Variants in NUBP1 observed in about 807,000 individuals in gnomAD.
The protein encoded by NUBP1 is NUBP iron-sulfur cluster assembly factor 1, cytosolic, also known as cytosolic Fe-S cluster assembly factor NUBP1.
In NUBP1, 46 loss-of-function variants were observed where a neutral mutation model predicts 41.8. That is an observed-to-expected ratio of 1.10 (90% CI 0.87 to 1.41). NUBP1 has a LOEUF of 1.41. Ranked by LOEUF, NUBP1 falls within the 40% of genes most tolerant of loss-of-function variation. The probability of loss-of-function intolerance (pLI) is 0.00; values close to 1 mark genes in which losing one functional copy is unlikely to be tolerated. For missense variants in NUBP1, 494 were observed against 414.0 expected (o/e 1.19, Z -1.68); for synonymous variants, 189 against 154.6 (o/e 1.22, Z -1.65).
At chr16:10,751,494 C>T (rs1900318012) in intron 3 of NUBP1, among the ~76,000 whole-genome samples, 1 of 152,144 alleles carries the variant, frequency 6.6e-6, no homozygotes, top group South Asian at 2.1e-4. Context: ...AAGTAGGAGG[C>T]TGGGTTTGTT....
chr16:10,758,561 G>T (rs185946113), intron 7 of NUBP1, among the ~76,000 whole-genome samples: 1 of 152,140 alleles, frequency 6.6e-6, no homozygotes, highest in Non-Finnish European at 1.5e-5. Context: ...TTAGTCCATG[G>T]ATTAAACAAT....
Position 10,768,081 on chromosome 16 carries a change from C to T in NUBP1, c.904+49C>T, listed in dbSNP as rs764774759. ...ATGCAGATGCCTGTGGGGCAGGAAG[C>T]AACATAAAGGAGCCAGGGGTGTGGA... On this transcript the variant is annotated intron_variant, in intron 10 of 10. Coordinates refer to ENST00000283027, the MANE Select transcript of NUBP1 (RefSeq NM_002484.4). This position sits in a 1 kb window ranked among gnomAD's most constrained non-coding sequence, Gnocchi z 4.3. The T allele has an allele frequency of 7.0e-6, 11 of 1,572,172 alleles. 1 individual carries two copies. In the East Asian group the frequency reaches 2.5e-4, roughly 35 times the overall value.
intron 2 of NUBP1, among the ~76,000 whole-genome samples, chr16:10,745,076 G>T (rs962451807): frequency 2.0e-5 from 3 of 151,782 alleles, no homozygotes; most frequent in Non-Finnish European, 4.4e-5. Flanking sequence ...GAATCTTGAA[G>T]GAGTTCAGAG....
intron 2 of NUBP1, among the ~76,000 whole-genome samples, chr16:10,745,764 C>G (rs1404548750): frequency 2.6e-5 from 4 of 152,166 alleles, no homozygotes. Context: ...AGTAAACATT[C>G]AAAAGAGGGA....
rs1474750322 is a variant in NUBP1 at position 10,759,064 on chromosome 16, GCAAAGGAGGTTTGATT to G, written c.606+1038_606+1053del. Among the ~76,000 whole-genome samples, 5 of 152,210 alleles carry G rather than the reference GCAAAGGAGGTTTGATT, an allele frequency of 3.3e-5. No individual in the cohort carries two copies. Among genetic ancestry groups the G allele is most frequent in the Non-Finnish European group, 7.3e-5 (5 of 68,038 alleles). ...TCTCCTCCACACTTAAGAAAGCCCAGCAAAGGAGGTTTGATTTGATCTCACTGGCCAGAATCAGTCA... is the reference window on the plus strand; with the variant it reads ...TCTCCTCCACACTTAAGAAAGCCCAGTGATCTCACTGGCCAGAATCAGTCA... On this transcript the variant is annotated intron_variant, in intron 7 of 10. Transcript: ENST00000283027. The surrounding 1 kb of genome is among the most constrained non-coding windows in gnomAD (Gnocchi z 4.7).
chr16:10,762,292 C>T (rs146289587), intron 9 of NUBP1, among the ~76,000 whole-genome samples: 7 of 152,178 alleles, frequency 4.6e-5, no homozygotes, highest in African/African-American at 1.7e-4. Flanking sequence ...CCTTTGTCTC[C>T]AGCACCGGGA....
rs761665533 is a variant in NUBP1, at chr16:10,747,103, G to C, written c.125-40G>C. On this transcript the variant is annotated intron_variant, in intron 2 of 10. Coordinates refer to ENST00000283027, the MANE Select transcript of NUBP1 (RefSeq NM_002484.4). ...CTGGAAGCGTGACATTCGAGGTTTG[G>C]TGTGGGACCTCATCCCCTGAACTTT... 8.1e-6 allele frequency: 13 copies of C among 1,610,904 alleles called. No homozygotes were observed. In the African/African-American group the frequency reaches 1.6e-4, roughly 20 times the overall value.
In NUBP1 at chr16:10,745,834, C is replaced by T. The variant is rs1900038610; in HGVS notation, c.125-1309C>T. On this transcript the variant is annotated intron_variant, in intron 2 of 10. Coordinates refer to ENST00000283027, the MANE Select transcript of NUBP1 (RefSeq NM_002484.4). ...GTAGGAGAGGAAGGACTATCTCATC[C>T]CATCTTTGTTTGGCATGTGGGAGGA... Among the ~76,000 whole-genome samples the T allele has an allele frequency of 2.0e-5, 3 of 152,310 alleles. No individual in the cohort carries two copies. The South Asian group carries it at 6.2e-4, about 32-fold the overall frequency.
chr16:10,754,434 G>T (rs929364506), intron 4 of NUBP1, among the ~76,000 whole-genome samples: 25 of 151,838 alleles, frequency 1.6e-4, no homozygotes, highest in Non-Finnish European at 3.4e-4. Context: ...GTAGAGTTGG[G>T]GTTTCACCAT....
chr16:10,748,081 C>A (rs1406067020), intron 3 of NUBP1, among the ~76,000 whole-genome samples: 1 of 152,092 alleles, frequency 6.6e-6, no homozygotes, highest in Non-Finnish European at 1.5e-5. Flanking sequence ...CTCTCAAGTA[C>A]CTGGGACTAC....
rs574596781 is a variant in NUBP1, at chr16:10,762,242, C to T, written c.820+383C>T. ...AAAATCCCTTAGGAAGGGGCCGGGC[C>T]TCCTGTGCCCGGAGAAGCCAGCACG... On this transcript the variant is annotated intron_variant, in intron 9 of 10. Coordinates refer to ENST00000283027, the MANE Select transcript of NUBP1 (RefSeq NM_002484.4). 6 of 172,252 alleles carry T rather than the reference C, an allele frequency of 3.5e-5. No individual in the cohort carries two copies. The East Asian group carries it at 6.4e-4, about 18-fold the overall frequency. The allele number at this position is 172,252 out of a possible 1,614,324, so 10.7% of individuals were successfully genotyped here. A position where few individuals can be genotyped will look rare whatever the true frequency, so the allele number is the denominator to read the frequency against.
intron 3 of NUBP1, among the ~76,000 whole-genome samples, chr16:10,752,121 G>T (rs1263669231): frequency 6.6e-6 from 1 of 152,174 alleles, no homozygotes; most frequent in Non-Finnish European, 1.5e-5. Context: ...GATTTGGCTT[G>T]TATCTGAGAC....
intron 4 of NUBP1, among the ~76,000 whole-genome samples, chr16:10,753,838 C>T (rs992374370): frequency 4.6e-5 from 7 of 151,996 alleles, no homozygotes; most frequent in South Asian, 2.1e-4. Flanking sequence ...CTGCATGGGC[C>T]GCTGACACAA....
chr16:10,758,128 C>T (rs897417946), intron 7 of NUBP1, 101 bp downstream of exon 7: 6 of 1,369,724 alleles, frequency 4.4e-6, no homozygotes, highest in Non-Finnish European at 6.0e-6. Flanking sequence ...AAGGCTCTTC[C>T]CAGTGTGTGT....
intron 2 of NUBP1, among the ~76,000 whole-genome samples, chr16:10,746,460 G>A (rs1387203461): frequency 6.6e-6 from 1 of 152,184 alleles, no homozygotes; most frequent in Non-Finnish European, 1.5e-5. Context: ...GTGTCTCCAG[G>A]CTGAGCATGG....
At position 10,747,317 on chromosome 16, in the gene NUBP1, G is replaced by C. The variant is rs184199107; in HGVS notation, c.258+41G>C. 2.8e-4 allele frequency: 453 copies of C among 1,605,602 alleles called. 1 individual carries two copies. Among genetic ancestry groups the C allele is most frequent in the Non-Finnish European group, 2.5e-4 (291 of 1,176,940 alleles). ...CCACTGGGAGATGCTCATTTTGTCT[G>C]AGGGTCGTGATGGCTACTAAATAAC... On this transcript the variant is annotated intron_variant, in intron 3 of 10. Transcript: ENST00000283027.
In NUBP1 at chr16:10,744,016, C is replaced by G. The variant is rs1216809978; in HGVS notation, c.75C>G (p.Cys25Trp). Residue 25 changes from cysteine to tryptophan, a missense_variant, in exon 2 of 11, where the codon TGC becomes TGG. Coordinates refer to ENST00000283027, the MANE Select transcript of NUBP1 (RefSeq NM_002484.4). ...GCAGAGGGGCTTCATGTCAGGGATG[C>G]CCCAACCAGCGGCTGTGCGCTTCTG... Reference protein sequence around the residue: ...QAGRGASCQGCPNQRLCASGA... With the variant: ...QAGRGASCQGWPNQRLCASGA... 6.3e-7 allele frequency: 1 copy of G among 1,580,106 alleles called. No individual in the cohort carries two copies. Among genetic ancestry groups the G allele is most frequent in the African/African-American group, 1.4e-5 (1 of 72,702 alleles).
intron 6 of NUBP1, 46 bp downstream of exon 6, chr16:10,756,826 G>C (rs373746118): frequency 6.7e-7 from 1 of 1,494,742 alleles, no homozygotes; most frequent in Non-Finnish European, 9.1e-7. Flanking sequence ...TTCCACGAGC[G>C]TTGTGGCTCT....
chr16:10,746,531 G>A (rs984713875), intron 2 of NUBP1, among the ~76,000 whole-genome samples: 1 of 152,118 alleles, frequency 6.6e-6, no homozygotes, highest in African/African-American at 2.4e-5. Flanking sequence ...ACTTGAGGTT[G>A]GAAGTTCGAG....
Sources: gnomAD v4.1 joint callset for allele counts (sites outside exome capture counted in the v4.1 genomes callset) on GRCh38, gnomAD v4.1.1 for gene constraint, Gnocchi (gnomAD v3.1) non-coding constraint, MANE v1.5 for transcripts, NCBI Gene and HGNC (gene_info 2026-07-23, HGNC 2026-07-21) for gene names.